The following SDCCAG8 variants were observed in gnomAD, a reference collection of about 807,000 sequenced individuals.
SDCCAG8 encodes the protein SHH signaling and ciliogenesis regulator SDCCAG8.
In SDCCAG8, 74 loss-of-function variants were observed where a neutral mutation model predicts 101.8. That is an observed-to-expected ratio of 0.73 (90% CI 0.60 to 0.88). SDCCAG8 has a LOEUF of 0.88. Ranked by LOEUF, SDCCAG8 falls within the 40% of genes least tolerant of loss-of-function variation. The pLI is 0.00. For missense variants in SDCCAG8, 787 were observed against 822.6 expected, an observed-to-expected ratio of 0.96 and a Z score of 0.53; for synonymous variants, 281 against 292.9, an observed-to-expected ratio of 0.96 and a Z score of 0.41.
intron 4 of SDCCAG8, among the ~76,000 whole-genome samples, chr1:243,277,486 TCA>T (rs1156308899): frequency 3.9e-5 from 6 of 152,238 alleles, no homozygotes; most frequent in African/African-American, 1.4e-4. Flanking sequence ...ATTTTTAAAA[TCA>T]GGTTATTCGT....
intron 12 of SDCCAG8, among the ~76,000 whole-genome samples, chr1:243,375,691 G>A (rs1372588764): frequency 6.6e-6 from 1 of 152,164 alleles, no homozygotes; most frequent in East Asian, 1.9e-4. Context: ...AGTGTGCTTT[G>A]AGAGTAATGT....
At chr1:243,449,880 A>T (rs1558485314) in intron 16 of SDCCAG8, among the ~76,000 whole-genome samples, 1 of 152,120 alleles carries the variant, frequency 6.6e-6, no homozygotes, top group South Asian at 2.1e-4. Context: ...CCACACTCCC[A>T]TCTTGGGATT....
At chr1:243,380,541 A>G (rs752100631) in intron 13 of SDCCAG8, among the ~76,000 whole-genome samples, 1 of 152,198 alleles carries the variant, frequency 6.6e-6, no homozygotes, top group Non-Finnish European at 1.5e-5. Flanking sequence ...GTTTTCCCGT[A>G]TAGTATCAAT....
rs796208583 is a variant in SDCCAG8 at position 243,364,816 on chromosome 1, AT to A, written c.1474-13897del. ...ACAAAAACCAAACCTAAGAAAATGCATTTTTTTTCCTCTAAATTAAGAAATA... is the reference window on the plus strand; with the variant it reads ...ACAAAAACCAAACCTAAGAAAATGCATTTTTTTCCTCTAAATTAAGAAATA... On this transcript the variant is annotated intron_variant, in intron 12 of 17. Coordinates refer to ENST00000366541, the MANE Select transcript of SDCCAG8 (RefSeq NM_006642.5). Among the ~76,000 whole-genome samples the A allele has an allele frequency of 1.6e-4, 25 of 152,058 alleles. No homozygotes were observed. The East Asian group carries it at 4.1e-3, about 25-fold the overall frequency.
At chr1:243,498,854 G>C (rs977408255) in intron 17 of SDCCAG8, among the ~76,000 whole-genome samples, 1 of 152,232 alleles carries the variant, frequency 6.6e-6, no homozygotes, top group Non-Finnish European at 1.5e-5. Flanking sequence ...AGAGGGACCA[G>C]ATTGGGCCCC....
At chr1:243,499,027 G>GAAAC (rs1274562169) in intron 17 of SDCCAG8, among the ~76,000 whole-genome samples, 3 of 152,314 alleles carry the variant, frequency 2.0e-5, no homozygotes, top group East Asian at 3.9e-4. Context: ...TTGTGGAGTG[G>GAAAC]AAACATTTCC....
chr1:243,355,131 G>C (rs1258276787), intron 12 of SDCCAG8, among the ~76,000 whole-genome samples: 2 of 152,106 alleles, frequency 1.3e-5, no homozygotes, highest in Admixed American at 1.3e-4. Flanking sequence ...ACTCTTTTTG[G>C]TGTTAACATC....
chr1:243,264,769 G>C (rs2067456846), intron 1 of SDCCAG8, among the ~76,000 whole-genome samples: 1 of 152,222 alleles, frequency 6.6e-6, no homozygotes, highest in Admixed American at 6.5e-5. Flanking sequence ...CATGTGATCT[G>C]TAGGACTCAG....
intron 17 of SDCCAG8, among the ~76,000 whole-genome samples, chr1:243,489,798 C>T (rs1665933447): frequency 6.6e-6 from 1 of 152,182 alleles, no homozygotes; most frequent in African/African-American, 2.4e-5. Flanking sequence ...GAGGCTAAGC[C>T]TGACTCCACA....
Position 243,286,367 on chromosome 1 carries a change from A to G in SDCCAG8, c.516A>G (p.Thr172=). Residue 172 remains threonine (T), a synonymous_variant, in exon 5 of 18, where the codon ACA becomes ACG. Coordinates refer to ENST00000366541, the MANE Select transcript of SDCCAG8 (RefSeq NM_006642.5). ...QQLKSQRQEE[T]LREQTLLDAS... is the part of the protein sequence containing the mutation. The stretch of plus-strand genomic sequence containing the variant: ...TAAAATCTCAAAGACAAGAGGAGAC[A>G]CTGAGGGAACAAACACTTCTGGATG... 1 of 1,614,078 alleles carries G rather than the reference A, an allele frequency of 6.2e-7. No individual in the cohort carries two copies. Among genetic ancestry groups the G allele is most frequent in the Non-Finnish European group, 8.5e-7 (1 of 1,179,902 alleles).
At chr1:243,404,894 T>TCTTA (rs1302794315) in intron 13 of SDCCAG8, among the ~76,000 whole-genome samples, 1 of 148,430 alleles carries the variant, frequency 6.7e-6, no homozygotes, top group African/African-American at 2.5e-5. Context: ...TGAGATGGAG[T>TCTTA]CTTACCCTGT....
At chr1:243,391,411 T>A (rs376550552) in intron 13 of SDCCAG8, among the ~76,000 whole-genome samples, 1 of 152,164 alleles carries the variant, frequency 6.6e-6, no homozygotes, top group African/African-American at 2.4e-5. Context: ...ATGCAGTCAG[T>A]CTCGGGAGAT....
At chr1:243,265,682 G>A (rs1425499974) in intron 1 of SDCCAG8, among the ~76,000 whole-genome samples, 1 of 151,988 alleles carries the variant, frequency 6.6e-6, no homozygotes, top group Non-Finnish European at 1.5e-5. Flanking sequence ...GTGTGGTGGC[G>A]CATGCCTGTA....
Position 243,481,126 on chromosome 1 carries a change from C to T in SDCCAG8, c.1986-7888C>T, listed in dbSNP as rs76733104. 8.5e-5 allele frequency among the ~76,000 whole-genome samples: 13 copies of T among 152,210 alleles called. No homozygotes were observed. In the East Asian group the frequency reaches 2.5e-3, roughly 29 times the overall value. On this transcript the variant is annotated intron_variant, in intron 16 of 17. Coordinates refer to ENST00000366541, the MANE Select transcript of SDCCAG8 (RefSeq NM_006642.5). ...AGATCAAGTGCTCAGGATCCTTGGC[C>T]TCTCCACTTGGAGTCATGAGTGTAG...
At chr1:243,431,090 G>A (rs547599868) in intron 16 of SDCCAG8, among the ~76,000 whole-genome samples, 10 of 152,234 alleles carry the variant, frequency 6.6e-5, no homozygotes, top group South Asian at 2.1e-4. Context: ...CTAGCTACTC[G>A]GGAGGGTGAG....
At chr1:243,450,909 T>C (rs535987264) in intron 16 of SDCCAG8, among the ~76,000 whole-genome samples, 2 of 152,368 alleles carry the variant, frequency 1.3e-5, no homozygotes, top group East Asian at 3.9e-4. Flanking sequence ...TCCTTCCGCC[T>C]CGGCCTCCCA....
At chr1:243,350,695 C>G (rs1381149778) in intron 12 of SDCCAG8, among the ~76,000 whole-genome samples, 2 of 152,084 alleles carry the variant, frequency 1.3e-5, no homozygotes, top group Non-Finnish European at 2.9e-5. Flanking sequence ...AGAACAAGAA[C>G]AAAGGGATTT....
intron 5 of SDCCAG8, among the ~76,000 whole-genome samples, chr1:243,287,793 C>A (rs746041146): frequency 3.3e-5 from 5 of 152,102 alleles, no homozygotes; most frequent in Non-Finnish European, 7.3e-5. Context: ...TATTCATAGT[C>A]CTCAGTATTT....
Position 243,474,558 on chromosome 1 carries a change from C to T in SDCCAG8, c.1986-14456C>T, listed in dbSNP as rs1474921824. ...GCCCGGCAGCGCTGAGACCTGGCCGCCTAGGCCACCCTGCCCGGCGAGGGA... is the reference window on the plus strand; with the variant it reads ...GCCCGGCAGCGCTGAGACCTGGCCGTCTAGGCCACCCTGCCCGGCGAGGGA... On this transcript the variant is annotated intron_variant, in intron 16 of 17. Transcript: ENST00000366541. This position sits in a 1 kb window ranked among gnomAD's most constrained non-coding sequence, Gnocchi z 4.7. Among the ~76,000 whole-genome samples, 1 of 152,208 alleles carries T rather than the reference C, an allele frequency of 6.6e-6. No homozygotes were observed. The highest frequency in any genetic ancestry group is 6.5e-5 in the Admixed American group (1 of 15,290).
Sources: allele counts gnomAD v4.1 joint callset (sites outside exome capture counted in the v4.1 genomes callset), GRCh38; gene constraint gnomAD v4.1.1; non-coding constraint Gnocchi (gnomAD v3.1); transcripts MANE v1.5; gene names NCBI Gene and HGNC (gene_info 2026-07-23, HGNC 2026-07-21).